Variants in KIF21A observed in about 807,000 individuals in gnomAD.
KIF21A encodes kinesin family member 21A, also known as kinesin-like protein KIF21A.
KIF21A carries 114 observed loss-of-function variants against 202.9 expected under a neutral mutation model. The observed-to-expected ratio is 0.56, with a 90% confidence interval of 0.48 to 0.66. The LOEUF is 0.66. Ranked by LOEUF, KIF21A falls within the 30% of genes least tolerant of loss-of-function variation. The pLI is 0.00. For synonymous variants in KIF21A, 667 were observed against 670.8 expected (o/e 0.99, Z 0.09); for missense variants, 1,677 against 1,994.9 (o/e 0.84, Z 3.04).
intron 37 of KIF21A, among the ~76,000 whole-genome samples, chr12:39,300,649 C>T (rs1309087336): frequency 6.6e-6 from 1 of 152,062 alleles, no homozygotes; most frequent in Admixed American, 6.6e-5. Flanking sequence ...ACCTACACTT[C>T]ACATTATATA....
At position 39,333,094 on chromosome 12, in the gene KIF21A, C is replaced by T. The variant is rs775230732; in HGVS notation, c.2501G>A (p.Arg834His). The part of the protein sequence containing the change: ...RRKTEEVTAL[R>H]RQVRPMSDKV... Reference sequence around the variant, plus strand: ...ATCTGACATGGGTCTTACTTGCCGACGAAGAGCCGTAACCTGAAATTGCAG... The same window carrying T: ...ATCTGACATGGGTCTTACTTGCCGATGAAGAGCCGTAACCTGAAATTGCAG... The change falls in exon 19 of 38, where the codon CGT becomes CAT. Residue 834 changes from arginine (R) to histidine (H), a missense_variant. Arg to His is a conservative substitution (Grantham distance 29). Transcript: ENST00000361418. 4.0e-5 allele frequency: 64 copies of T among 1,613,760 alleles called. No homozygotes were observed. The highest frequency in any genetic ancestry group is 5.1e-5 in the Non-Finnish European group (60 of 1,179,982).
intron 11 of KIF21A, among the ~76,000 whole-genome samples, chr12:39,349,262 G>A (rs1055722695): frequency 2.0e-5 from 3 of 151,998 alleles, no homozygotes; most frequent in African/African-American, 7.2e-5. Context: ...TATAAAATGG[G>A]CAGAAATCAT....
At chr12:39,315,143 T>A in intron 31 of KIF21A, 86 bp downstream of exon 31, 1 of 1,292,606 alleles carries the variant, frequency 7.7e-7, no homozygotes, top group Non-Finnish European at 1.1e-6. Flanking sequence ...GAGAAAAAAA[T>A]AAACACTTAT....
At chr12:39,314,807 G>C (rs942192833) in intron 31 of KIF21A, among the ~76,000 whole-genome samples, 5 of 151,544 alleles carry the variant, frequency 3.3e-5, no homozygotes, top group Admixed American at 3.3e-4. Flanking sequence ...CTTATGTATG[G>C]CACAGTTATT....
chr12:39,350,253 G>A (rs181353418), intron 11 of KIF21A, among the ~76,000 whole-genome samples: 123 of 151,770 alleles, frequency 8.1e-4, no homozygotes, highest in African/African-American at 2.9e-3. Flanking sequence ...AGTCACAACC[G>A]CTATTAAAAT....
Position 39,443,069 on chromosome 12 carries a change from G to A in KIF21A, c.-99C>T. On this transcript the variant is annotated 5_prime_UTR_variant, in exon 1 of 38. Coordinates refer to ENST00000361418, the MANE Select transcript of KIF21A (RefSeq NM_001173464.2). ...TCGGGCGCAGTAGGCTGGGGCGTCT[G>A]CGGGCGGGCGGCCGGCTCACCTCCG... 8.0e-7 allele frequency: 1 copy of A among 1,252,450 alleles called. No individual in the cohort carries two copies. Among genetic ancestry groups the A allele is most frequent in the Non-Finnish European group, 1.0e-6 (1 of 959,152 alleles). 77.6% of individuals were successfully genotyped at this position (1,252,450 alleles called of 1,614,324 possible). A position where few individuals can be genotyped will look rare whatever the true frequency, so the allele number is the denominator to read the frequency against.
At chr12:39,419,625 C>G (rs1954074665) in intron 1 of KIF21A, among the ~76,000 whole-genome samples, 1 of 152,124 alleles carries the variant, frequency 6.6e-6, no homozygotes, top group South Asian at 2.1e-4. Flanking sequence ...ACATGACTTA[C>G]CAAAAGGTAG....
At chr12:39,361,528 T>C (rs1304934484) in intron 7 of KIF21A, among the ~76,000 whole-genome samples, 4 of 149,156 alleles carry the variant, frequency 2.7e-5, no homozygotes, top group Non-Finnish European at 4.5e-5. Context: ...CTTTCTTTTT[T>C]TTTTTTTTTT....
rs1346318049 is a variant in KIF21A, at chr12:39,319,896, A to G, written c.3779+10T>C. 6 of 1,489,522 alleles carry G rather than the reference A, an allele frequency of 4.0e-6. No homozygotes were observed. The highest frequency in any genetic ancestry group is 5.6e-6 in the Non-Finnish European group (6 of 1,070,370). 92.3% of individuals were successfully genotyped at this position (1,489,522 alleles called of 1,614,324 possible). A position where few individuals can be genotyped will look rare whatever the true frequency, so the allele number is the denominator to read the frequency against. On this transcript the variant is annotated intron_variant, in intron 28 of 37. Coordinates refer to ENST00000361418, the MANE Select transcript of KIF21A (RefSeq NM_001173464.2). ...TACAGTCTAGCAGGTAAAAAACATT[A>G]GTCACTTACTGCTTTTGTTCCTTGG...
chr12:39,299,953 G>A (rs960131121), intron 37 of KIF21A, among the ~76,000 whole-genome samples: 1 of 152,062 alleles, frequency 6.6e-6, no homozygotes, highest in African/African-American at 2.4e-5. Flanking sequence ...CCTATTTGAG[G>A]GTGGAGGGTG....
intron 1 of KIF21A, among the ~76,000 whole-genome samples, chr12:39,374,612 A>C (rs1566032933): frequency 6.6e-6 from 1 of 152,196 alleles, no homozygotes; most frequent in Non-Finnish European, 1.5e-5. Context: ...TCCTAAAGCA[A>C]AGTAATCCAG....
Position 39,442,732 on chromosome 12 carries a change from A to G in KIF21A, c.44+195T>C, listed in dbSNP as rs566404648. On this transcript the variant is annotated intron_variant, in intron 1 of 37. Transcript: ENST00000361418. The surrounding 1 kb of genome is among the most constrained non-coding windows in gnomAD (Gnocchi z 5.0). ...AACACAGACGGCGTGAGGGCGGCGCAGTCGCCCTGCCAGCACCCGGCCGCG... is the reference window on the plus strand; with the variant it reads ...AACACAGACGGCGTGAGGGCGGCGCGGTCGCCCTGCCAGCACCCGGCCGCG... Among the ~76,000 whole-genome samples the G allele has an allele frequency of 8.7e-4, 132 of 152,230 alleles. 1 individual carries two copies. The highest frequency in any genetic ancestry group is 3.1e-3 in the African/African-American group (127 of 41,554).
intron 1 of KIF21A, among the ~76,000 whole-genome samples, chr12:39,419,930 G>C (rs567854437): frequency 6.6e-6 from 1 of 152,152 alleles, no homozygotes; most frequent in African/African-American, 2.4e-5. Flanking sequence ...TCTCATAGAA[G>C]ACAGGCCCAT....
At chr12:39,331,872 T>C in intron 21 of KIF21A, 81 bp from the exon 22 acceptor site, 2 of 1,044,136 alleles carry the variant, frequency 1.9e-6, no homozygotes, top group South Asian at 2.5e-5. Flanking sequence ...CACATATTTA[T>C]TTCCTAGTAT....
chr12:39,372,281 A>C (rs1950017081), intron 1 of KIF21A, among the ~76,000 whole-genome samples: 1 of 152,204 alleles, frequency 6.6e-6, no homozygotes, highest in Non-Finnish European at 1.5e-5. Flanking sequence ...ATGTCAAGTA[A>C]AGAATATGCA....
chr12:39,413,039 T>G (rs1356041198), intron 1 of KIF21A, among the ~76,000 whole-genome samples: 2 of 152,222 alleles, frequency 1.3e-5, no homozygotes, highest in East Asian at 3.8e-4. Flanking sequence ...AAATTTGAAT[T>G]TGAAAGCACC....
At chr12:39,299,165 T>C (rs1351490850) in intron 37 of KIF21A, among the ~76,000 whole-genome samples, 1 of 151,884 alleles carries the variant, frequency 6.6e-6, no homozygotes, top group Non-Finnish European at 1.5e-5. Context: ...ATCAATAGAG[T>C]AAACAGACAA....
At chr12:39,424,651 T>A (rs1004584910) in intron 1 of KIF21A, among the ~76,000 whole-genome samples, 30 of 152,156 alleles carry the variant, frequency 2.0e-4, no homozygotes, top group African/African-American at 7.0e-4. Context: ...ATCCTTTTCT[T>A]TTCATCACAC....
intron 1 of KIF21A, among the ~76,000 whole-genome samples, chr12:39,411,290 C>G (rs1415231922): frequency 2.0e-5 from 3 of 151,974 alleles, no homozygotes; most frequent in African/African-American, 7.3e-5. Context: ...ATGCATAGAC[C>G]AGAAACAGGA....
Sources: gnomAD v4.1 joint callset for allele counts (sites outside exome capture counted in the v4.1 genomes callset) on GRCh38, gnomAD v4.1.1 for gene constraint, Gnocchi (gnomAD v3.1) non-coding constraint, MANE v1.5 for transcripts, NCBI Gene and HGNC (gene_info 2026-07-23, HGNC 2026-07-21) for gene names.